Variants in NREP observed in about 807,000 individuals in gnomAD.
NREP encodes neuronal regeneration related protein.
In NREP, 5 loss-of-function variants were observed where a neutral mutation model predicts 8.6. The observed-to-expected ratio is 0.58, with a 90% CI of 0.30 to 1.22. The LOEUF is 1.22. Among genes scored for constraint, NREP ranks in the 50% most tolerant of loss-of-function variants. NREP has a pLI of 0.07. For synonymous variants in NREP, 27 were observed against 28.0 expected, an observed-to-expected ratio of 0.96 and a Z score of 0.11; for missense variants, 86 against 82.5, an observed-to-expected ratio of 1.04 and a Z score of -0.17.
intron 2 of NREP, among the ~76,000 whole-genome samples, chr5:111,937,651 C>T (rs1226322662): frequency 1.3e-5 from 2 of 151,990 alleles, no homozygotes; most frequent in Non-Finnish European, 2.9e-5. Flanking sequence ...GTAGAAAGGA[C>T]CCATCTATTT....
intron 2 of NREP, among the ~76,000 whole-genome samples, chr5:111,845,694 A>G (rs1753145700): frequency 1.3e-5 from 2 of 152,184 alleles, no homozygotes; most frequent in South Asian, 4.1e-4. Context: ...AGTTTCAAAA[A>G]AGCACAATTT....
intron 2 of NREP, among the ~76,000 whole-genome samples, chr5:111,946,094 A>ACACACACG (rs1300797871): frequency 1.6e-5 from 2 of 128,320 alleles, no homozygotes; most frequent in African/African-American, 5.6e-5. Flanking sequence ...ACACACACAC[A>ACACACACG]CACACACATA....
Position 111,949,514 on chromosome 5 carries a change from T to C in NREP, c.135+25760A>G, listed in dbSNP as rs185108308. On this transcript the variant is annotated intron_variant, in intron 2 of 3. Coordinates refer to the NREP transcript ENST00000395634. ...AAATATATTACTTTAAGTTCTGGGA[T>C]ACATGTGTAGAACATGCAGGTTTGT... Among the ~76,000 whole-genome samples the C allele has an allele frequency of 7.3e-4, 111 of 152,236 alleles. No homozygotes were observed. The East Asian group carries it at 0.012, about 17-fold the overall frequency.
chr5:111,799,556 T>A (rs962010390), intron 2 of NREP, among the ~76,000 whole-genome samples: 7 of 152,234 alleles, frequency 4.6e-5, no homozygotes, highest in Non-Finnish European at 5.9e-5. Flanking sequence ...TTTTGTATTC[T>A]TGTTTCTACT....
chr5:111,952,531 T>C (rs890849731), intron 2 of NREP, among the ~76,000 whole-genome samples: 6 of 152,164 alleles, frequency 3.9e-5, no homozygotes, highest in Non-Finnish European at 7.4e-5. Flanking sequence ...TGGATATTTC[T>C]ACAACTTTGA....
At chr5:111,903,082 C>CTTTTT (rs759722512) in intron 2 of NREP, among the ~76,000 whole-genome samples, 4 of 122,724 alleles carry the variant, frequency 3.3e-5, no homozygotes, top group South Asian at 2.7e-4. Context: ...TGTCTTTTCT[C>CTTTTT]TTTTTTTTTT....
intron 2 of NREP, among the ~76,000 whole-genome samples, chr5:111,862,396 G>A (rs541804240): frequency 6.6e-6 from 1 of 152,142 alleles, no homozygotes; most frequent in Non-Finnish European, 1.5e-5. Context: ...AAAGGAAGCT[G>A]TAACTCTTTC....
chr5:111,974,873 C>T (rs1411104613), intron 2 of NREP, among the ~76,000 whole-genome samples: 1 of 152,200 alleles, frequency 6.6e-6, no homozygotes, highest in Non-Finnish European at 1.5e-5. Flanking sequence ...AAAGCTAAGA[C>T]ATACCGTCTC....
At chr5:111,969,806 G>A (rs888521627) in intron 2 of NREP, among the ~76,000 whole-genome samples, 2 of 152,188 alleles carry the variant, frequency 1.3e-5, no homozygotes, top group Non-Finnish European at 2.9e-5. Flanking sequence ...TAAACCTTGA[G>A]ATTCTACAGC....
chr5:111,959,671 G>C (rs747087426), intron 2 of NREP, among the ~76,000 whole-genome samples: 1 of 151,842 alleles, frequency 6.6e-6, no homozygotes, highest in African/African-American at 2.4e-5. Context: ...AACAGTTAAA[G>C]AATTATGAAA....
intron 2 of NREP, among the ~76,000 whole-genome samples, chr5:111,970,280 T>C (rs773543541): frequency 1.3e-5 from 2 of 152,190 alleles, no homozygotes; most frequent in South Asian, 2.1e-4. Flanking sequence ...TAAACATATC[T>C]GCTTACATAC....
At chr5:111,916,314 G>A (rs1291412650) in intron 2 of NREP, among the ~76,000 whole-genome samples, 2 of 151,738 alleles carry the variant, frequency 1.3e-5, no homozygotes, top group East Asian at 3.9e-4. Flanking sequence ...AACCCCAGAA[G>A]TGGAACTTTG....
intron 2 of NREP, among the ~76,000 whole-genome samples, chr5:111,914,442 C>A (rs1754994830): frequency 6.6e-6 from 1 of 152,134 alleles, no homozygotes; most frequent in Non-Finnish European, 1.5e-5. Context: ...CCTTTCTCAG[C>A]ATTCCACAAG....
chr5:111,894,980 G>C (rs1273725056), intron 2 of NREP, among the ~76,000 whole-genome samples: 2 of 152,216 alleles, frequency 1.3e-5, no homozygotes, highest in Non-Finnish European at 2.9e-5. Context: ...TGTTTAGAGA[G>C]CTCTTAGAAT....
At chr5:111,804,163 T>C (rs1339353180) in intron 2 of NREP, among the ~76,000 whole-genome samples, 2 of 152,192 alleles carry the variant, frequency 1.3e-5, no homozygotes, top group African/African-American at 2.4e-5. Context: ...AGAATTAAAA[T>C]AGTGTGGTAC....
At chr5:111,828,401 G>T (rs1051339180) in intron 2 of NREP, among the ~76,000 whole-genome samples, 2 of 152,002 alleles carry the variant, frequency 1.3e-5, no homozygotes. Flanking sequence ...AGTATGGAGG[G>T]GATGTGCTAC....
At chr5:111,943,886 GT>G (rs1755901183) in intron 2 of NREP, among the ~76,000 whole-genome samples, 1 of 151,992 alleles carries the variant, frequency 6.6e-6, no homozygotes, top group South Asian at 2.1e-4. Flanking sequence ...AGCAACTTAC[GT>G]TTTTTGCATT....
upstream of NREP, chr5:111,757,763 C>A (rs1315791978): frequency 1.0e-6 from 1 of 982,000 alleles, no homozygotes; most frequent in African/African-American, 1.7e-5. Context: ...AATCCCCGGC[C>A]TTCCTCCCCG....
intron 2 of NREP, among the ~76,000 whole-genome samples, chr5:111,863,331 T>A (rs149988593): frequency 0.011 from 1,617 of 152,228 alleles, 10 homozygotes; most frequent in Non-Finnish European, 0.017. Context: ...GAAAAAAGAT[T>A]TGAGTTCTAT....
Sources: gnomAD v4.1 joint callset for allele counts (sites outside exome capture counted in the v4.1 genomes callset) on GRCh38, gnomAD v4.1.1 for gene constraint, MANE v1.5 for transcripts, NCBI Gene and HGNC (gene_info 2026-07-23, HGNC 2026-07-21) for gene names.